Variants in MYOF observed in about 807,000 individuals in gnomAD.
MYOF encodes the protein fer-1-like 3, myoferlin.
A neutral mutation model predicts 284.2 loss-of-function variants in MYOF; 244 were observed. That is an observed-to-expected ratio of 0.86 (90% CI 0.77 to 0.95). The LOEUF (loss-of-function observed/expected upper bound fraction) is 0.95, where lower values mean the gene tolerates loss of function less well. Ranked by LOEUF, MYOF falls within the 40% of genes least tolerant of loss-of-function variation. The pLI, the probability that MYOF is intolerant of heterozygous loss-of-function variation, is 0.00. For synonymous variants in MYOF, 904 were observed against 919.7 expected (o/e 0.98, Z 0.31); for missense variants, 2,496 against 2,560.6 (o/e 0.97, Z 0.54).
chr10:93,334,308 C>G (rs1192458975), intron 41 of MYOF, among the ~76,000 whole-genome samples: 1 of 151,428 alleles, frequency 6.6e-6, no homozygotes, highest in Non-Finnish European at 1.5e-5. Context: ...TACTCCACCT[C>G]CCACTCCCAG....
chr10:93,343,482 T>C (rs17108502), intron 38 of MYOF, among the ~76,000 whole-genome samples: 6,830 of 152,320 alleles, frequency 0.045, 529 homozygotes, highest in African/African-American at 0.16. Context: ...TTCTAGCAAA[T>C]GATCTTTCTC....
intron 5 of MYOF, among the ~76,000 whole-genome samples, chr10:93,424,818 C>A (rs1015492652): frequency 6.6e-6 from 1 of 151,892 alleles, no homozygotes; most frequent in Non-Finnish European, 1.5e-5. Context: ...AAAGTGAACC[C>A]TCGGGCGGCC....
intron 10 of MYOF, among the ~76,000 whole-genome samples, chr10:93,402,607 A>C (rs1847350266): frequency 6.6e-6 from 1 of 152,144 alleles, no homozygotes; most frequent in Non-Finnish European, 1.5e-5. Context: ...TGATAAGATC[A>C]AAATATCCTC....
chr10:93,400,368 G>A (rs570072233), intron 12 of MYOF, among the ~76,000 whole-genome samples: 2 of 127,188 alleles, frequency 1.6e-5, no homozygotes, highest in South Asian at 5.0e-4. Flanking sequence ...GTCTTGCTAT[G>A]TTGCCCAGGC....
intron 10 of MYOF, among the ~76,000 whole-genome samples, chr10:93,402,577 C>T (rs1002239284): frequency 3.3e-5 from 5 of 151,238 alleles, no homozygotes; most frequent in Non-Finnish European, 5.9e-5. Context: ...GTTGTACCAA[C>T]GAGTTTTATA....
In MYOF at chr10:93,366,383, A is replaced by G; in HGVS notation, c.2753+9T>C. On this transcript the variant is annotated intron_variant, in intron 26 of 53. Transcript: ENST00000359263. ...GCTATCCTTTTTACTCAGAAAATGG[A>G]CAACTTACCTTCTTTCAGGATCAAC... 3.1e-6 allele frequency: 5 copies of G among 1,608,646 alleles called. No individual in the cohort carries two copies. Among genetic ancestry groups the G allele is most frequent in the Non-Finnish European group, 4.2e-6 (5 of 1,178,798 alleles).
chr10:93,318,250 A>C (rs188251653), intron 49 of MYOF, among the ~76,000 whole-genome samples: 219 of 151,620 alleles, frequency 1.4e-3, no homozygotes, highest in Admixed American at 2.6e-3. Context: ...GTGAAACCTT[A>C]TCTCTACAAA....
intron 15 of MYOF, 39 bp from the exon 16 acceptor site, chr10:93,396,263 G>A (rs749177027): frequency 2.1e-6 from 3 of 1,412,790 alleles, no homozygotes; most frequent in South Asian, 1.3e-5. Context: ...AAAAATAAAA[G>A]GTTCAGAGCT....
At chr10:93,472,075 C>T (rs564470456) in intron 1 of MYOF, among the ~76,000 whole-genome samples, 1 of 152,264 alleles carries the variant, frequency 6.6e-6, no homozygotes, top group South Asian at 2.1e-4. Flanking sequence ...TGCTGGGCTC[C>T]TGCGAGGTGG....
At position 93,379,882 on chromosome 10, in the gene MYOF, A is replaced by G; in HGVS notation, c.1982T>C (p.Leu661Pro). ...SHRLDAVNTL[L>P]AMAERLQTNI... ...ACTTACCAGCCGTTCTGCCATAGCT[A>G]GGAGAGTGTTCACCGCATCCAGGCG... The change falls in exon 21 of 54, where the codon CTA becomes CCA. Residue 661 changes from leucine to proline, a missense_variant. Coordinates refer to ENST00000359263, the MANE Select transcript of MYOF (RefSeq NM_013451.4). 1 of 1,614,092 alleles carries G rather than the reference A, an allele frequency of 6.2e-7. No homozygotes were observed. The highest frequency in any genetic ancestry group is 8.5e-7 in the Non-Finnish European group (1 of 1,179,960).
At chr10:93,456,016 T>A (rs141387797) in intron 2 of MYOF, among the ~76,000 whole-genome samples, 5 of 152,182 alleles carry the variant, frequency 3.3e-5, no homozygotes, top group Non-Finnish European at 4.4e-5. Context: ...AAAATAGATA[T>A]AAGGTCGACA....
intron 39 of MYOF, chr10:93,338,257 A>C (rs1430710617): frequency 2.2e-6 from 1 of 452,916 alleles, no homozygotes; most frequent in Admixed American, 2.7e-5. Flanking sequence ...ATATAAATTT[A>C]AAGAAAACCT....
At chr10:93,324,152 C>T (rs1842948225) in intron 46 of MYOF, 3 of 152,182 alleles carry the variant, frequency 2.0e-5, no homozygotes, top group Admixed American at 2.0e-4. Flanking sequence ...GAATGTTCTT[C>T]CAGACAGGTC....
chr10:93,458,146 A>C (rs546734574), intron 1 of MYOF, among the ~76,000 whole-genome samples: 1 of 151,974 alleles, frequency 6.6e-6, no homozygotes, highest in Non-Finnish European at 1.5e-5. Flanking sequence ...TGAGCCTAGG[A>C]GTTCAAGACC....
At chr10:93,350,863 CTGCCA>C (rs1844474707) in intron 35 of MYOF, among the ~76,000 whole-genome samples, 1 of 152,160 alleles carries the variant, frequency 6.6e-6, no homozygotes, top group Admixed American at 6.5e-5. Context: ...CTCTGCCTCC[CTGCCA>C]TGCCCCCATC....
chr10:93,402,837 T>C (rs1363244267), intron 10 of MYOF, 23 bp downstream of exon 10: 1 of 1,601,096 alleles, frequency 6.2e-7, no homozygotes, highest in Non-Finnish European at 8.6e-7. Flanking sequence ...AGACTTCATA[T>C]TGATGGGGAG....
intron 45 of MYOF, among the ~76,000 whole-genome samples, chr10:93,328,330 C>A (rs1016803232): frequency 6.6e-6 from 1 of 152,090 alleles, no homozygotes; most frequent in Non-Finnish European, 1.5e-5. Flanking sequence ...AAGAGCAAGA[C>A]CCCAAGCTTG....
chr10:93,448,086 C>A (rs373903144), intron 3 of MYOF, among the ~76,000 whole-genome samples: 15 of 152,292 alleles, frequency 9.8e-5, no homozygotes, highest in African/African-American at 3.6e-4. Context: ...CCTGCACTTT[C>A]AACCCTCACT....
intron 26 of MYOF, among the ~76,000 whole-genome samples, chr10:93,365,989 T>C (rs913176578): frequency 4.6e-5 from 7 of 152,104 alleles, no homozygotes; most frequent in African/African-American, 1.7e-4. Flanking sequence ...CTGTGGGCAA[T>C]AAAGTTCTTT....
Sources: gnomAD v4.1 joint callset for allele counts (sites outside exome capture counted in the v4.1 genomes callset) on GRCh38, gnomAD v4.1.1 for gene constraint, MANE v1.5 for transcripts, NCBI Gene and HGNC (gene_info 2026-07-23, HGNC 2026-07-21) for gene names.